IL1RAPL1: variants seen among roughly 807,000 people sequenced by gnomAD.
IL1RAPL1 encodes interleukin 1 receptor accessory protein like 1.
A neutral mutation model predicts 48.4 loss-of-function variants in IL1RAPL1; 3 were observed. The ratio of observed to expected loss-of-function variants is 0.06; its 90% confidence interval spans 0.03 to 0.16. IL1RAPL1 has a LOEUF of 0.16. Among genes scored for constraint, IL1RAPL1 ranks in the 10% least tolerant of loss-of-function variants. The pLI, the probability that IL1RAPL1 is intolerant of heterozygous loss-of-function variation, is 1.00. For missense variants in IL1RAPL1, 349 were observed against 530.6 expected (o/e 0.66, Z 3.36); for synonymous variants, 185 against 187.7 (o/e 0.99, Z 0.12).
intron 5 of IL1RAPL1, among the ~76,000 whole-genome samples, chrX:29,645,564 C>T (rs1925294501): frequency 1.8e-5 from 2 of 111,225 alleles, no homozygotes; most frequent in Admixed American, 9.6e-5. Context: ...GCCTTTAGAA[C>T]CAACTTGGCA....
At chrX:28,892,668 G>T (rs974679850) in intron 2 of IL1RAPL1, among the ~76,000 whole-genome samples, 1 of 110,361 alleles carries the variant, frequency 9.1e-6, no homozygotes, top group African/African-American at 3.3e-5. Context: ...GAGAGATAAT[G>T]GGTGATGTTT....
chrX:29,271,872 T>C (rs1263587952), intron 2 of IL1RAPL1, among the ~76,000 whole-genome samples: 1 of 111,763 alleles, frequency 8.9e-6, no homozygotes, highest in East Asian at 2.8e-4. Flanking sequence ...TTTTTATTTA[T>C]TTATATATTT....
Position 29,310,485 on chromosome X carries a change from G to T in IL1RAPL1, c.362+27268G>T, listed in dbSNP as rs540777538. Among the ~76,000 whole-genome samples, 37 of 111,179 alleles carry T rather than the reference G, an allele frequency of 3.3e-4. No homozygotes were observed. The South Asian group carries it at 0.014, about 42-fold the overall frequency. On this transcript the variant is annotated intron_variant, in intron 3 of 10. Transcript: ENST00000378993. ...GAGACAGCATGGGGAAGGCTAATGG[G>T]GTAAGGAGAAGAACAAATAGAAATA...
intron 6 of IL1RAPL1, among the ~76,000 whole-genome samples, chrX:29,838,492 C>G: frequency 8.9e-6 from 1 of 112,058 alleles, no homozygotes; most frequent in Non-Finnish European, 1.9e-5. Flanking sequence ...GGATTAAAAT[C>G]ATAACATTCA....
intron 3 of IL1RAPL1, among the ~76,000 whole-genome samples, chrX:29,360,794 ATATT>A (rs1933365600): frequency 9.0e-6 from 1 of 111,698 alleles, no homozygotes; most frequent in African/African-American, 3.2e-5. Context: ...TGCTCAATAA[ATATT>A]TATTTAGTGA....
intron 6 of IL1RAPL1, among the ~76,000 whole-genome samples, chrX:29,761,343 C>A (rs1322332038): frequency 9.0e-6 from 1 of 110,530 alleles, no homozygotes; most frequent in African/African-American, 3.3e-5. Flanking sequence ...TATGACACCC[C>A]CCCACCAAAG....
chrX:28,973,745 C>T (rs938057350), intron 2 of IL1RAPL1, among the ~76,000 whole-genome samples: 4 of 112,112 alleles, frequency 3.6e-5, no homozygotes, highest in African/African-American at 6.5e-5. Flanking sequence ...GGTGTCTTTC[C>T]ACATACTGAT....
At chrX:29,061,342 T>C (rs1927336643) in intron 2 of IL1RAPL1, among the ~76,000 whole-genome samples, 1 of 112,079 alleles carries the variant, frequency 8.9e-6, no homozygotes, top group African/African-American at 3.2e-5. Flanking sequence ...GGTGTGATAA[T>C]ATACCAGATT....
At chrX:29,497,160 C>T (rs769783080) in intron 5 of IL1RAPL1, among the ~76,000 whole-genome samples, 1 of 111,568 alleles carries the variant, frequency 9.0e-6, no homozygotes, top group African/African-American at 3.3e-5. Context: ...TTTGGAAAAA[C>T]CCCACGGCCC....
At chrX:29,433,791 T>G (rs776905051) in intron 5 of IL1RAPL1, among the ~76,000 whole-genome samples, 1 of 111,313 alleles carries the variant, frequency 9.0e-6, no homozygotes, top group Admixed American at 9.6e-5. Context: ...ATTTGCATAT[T>G]TAAAGATTTC....
intron 6 of IL1RAPL1, among the ~76,000 whole-genome samples, chrX:29,821,908 A>C: frequency 8.9e-6 from 1 of 112,025 alleles, no homozygotes; most frequent in Middle Eastern, 4.7e-3. Flanking sequence ...GCAAGTTGAC[A>C]CAGATCTGAA....
intron 6 of IL1RAPL1, among the ~76,000 whole-genome samples, chrX:29,774,015 T>C (rs973046821): frequency 9.0e-6 from 1 of 110,809 alleles, no homozygotes; most frequent in Non-Finnish European, 1.9e-5. Context: ...GTAACACTTA[T>C]AACAGTGTAG....
chrX:28,756,675 G>C (rs1473485777), intron 1 of IL1RAPL1, among the ~76,000 whole-genome samples: 1 of 111,402 alleles, frequency 9.0e-6, no homozygotes, highest in African/African-American at 3.3e-5. Context: ...TTTCCTTCTT[G>C]TACAGTCTCA....
At chrX:29,688,857 T>C (rs1039464388) in intron 6 of IL1RAPL1, among the ~76,000 whole-genome samples, 2 of 108,645 alleles carry the variant, frequency 1.8e-5, no homozygotes, top group African/African-American at 6.7e-5. Context: ...ATTTAGCCCT[T>C]GAAGTTACCA....
At chrX:29,730,222 A>G in intron 6 of IL1RAPL1, among the ~76,000 whole-genome samples, 1 of 111,985 alleles carries the variant, frequency 8.9e-6, no homozygotes, top group Non-Finnish European at 1.9e-5. Flanking sequence ...GATCCACAGC[A>G]GGCAACTCTG....
chrX:29,545,846 C>T (rs967104095), intron 5 of IL1RAPL1, among the ~76,000 whole-genome samples: 1 of 111,815 alleles, frequency 8.9e-6, no homozygotes, highest in Non-Finnish European at 1.9e-5. Flanking sequence ...GTAAGAAGTA[C>T]ATGGGAATTC....
chrX:29,512,015 G>A (rs1460620267), intron 5 of IL1RAPL1, among the ~76,000 whole-genome samples: 1 of 111,403 alleles, frequency 9.0e-6, no homozygotes, highest in East Asian at 2.8e-4. Context: ...TACTAGAAAT[G>A]TAGCATGTCC....
chrX:29,636,268 T>TA (rs1305889271), intron 5 of IL1RAPL1, among the ~76,000 whole-genome samples: 1 of 112,072 alleles, frequency 8.9e-6, no homozygotes, highest in Non-Finnish European at 1.9e-5. Context: ...TCACGGAAGA[T>TA]AAAATCCAAT....
intron 2 of IL1RAPL1, among the ~76,000 whole-genome samples, chrX:29,277,281 G>A (rs1329534849): frequency 8.9e-6 from 1 of 111,856 alleles, no homozygotes; most frequent in Non-Finnish European, 1.9e-5. Flanking sequence ...CATCCCCTGT[G>A]TTCCATGTAC....
Sources: gnomAD v4.1 joint callset for allele counts (sites outside exome capture counted in the v4.1 genomes callset) on GRCh38, gnomAD v4.1.1 for gene constraint, MANE v1.5 for transcripts, NCBI Gene and HGNC (gene_info 2026-07-23, HGNC 2026-07-21) for gene names.